ITPKB: variants seen among roughly 807,000 people sequenced by gnomAD.
ITPKB encodes inositol-trisphosphate 3-kinase B.
ITPKB carries 13 observed loss-of-function variants against 69.4 expected under a neutral mutation model. That is an observed-to-expected ratio of 0.19 (90% CI 0.12 to 0.30). ITPKB has a LOEUF of 0.30. Among genes scored for constraint, ITPKB ranks in the 10% least tolerant of loss-of-function variants. The pLI, the probability that ITPKB is intolerant of heterozygous loss-of-function variation, is 1.00. For missense variants in ITPKB, 1,240 were observed against 1,250.5 expected, an observed-to-expected ratio of 0.99 and a Z score of 0.13; for synonymous variants, 584 against 513.7, an observed-to-expected ratio of 1.14 and a Z score of -1.85.
intron 2 of ITPKB, among the ~76,000 whole-genome samples, chr1:226,704,484 T>C (rs1417531457): frequency 6.6e-6 from 1 of 152,250 alleles, no homozygotes; most frequent in Admixed American, 6.5e-5. Flanking sequence ...AGCTAGTTTA[T>C]TTCCTGGGCA....
rs759372377 is a variant in ITPKB at position 226,639,652 on chromosome 1, C to T, written c.2458G>A (p.Asp820Asn). 1.2e-6 allele frequency: 2 copies of T among 1,612,636 alleles called. No homozygotes were observed. Among genetic ancestry groups the T allele is most frequent in the Non-Finnish European group, 1.7e-6 (2 of 1,178,604 alleles). Residue 820 changes from aspartate to asparagine, a missense_variant, in exon 6 of 8, where the codon GAC becomes AAC. By Grantham distance (23) the Asp-to-Asn change is conservative. This residue lies in a region of ITPKB where 248 missense variants were observed against 396.7 expected (regional missense o/e 0.63). Coordinates refer to ENST00000429204, the MANE Select transcript of ITPKB (RefSeq NM_002221.4). Reference protein sequence around the residue: ...GFRIEGIKKEDGTVNRDFKKT... With the variant: ...GFRIEGIKKENGTVNRDFKKT... ...TTGAAGTCCCGGTTCACGGTGCCGT[C>T]TTCTTTCTGAGAAAGAGAACACCCC...
chr1:226,719,906 G>A (rs1029307446), intron 2 of ITPKB, among the ~76,000 whole-genome samples: 5 of 152,200 alleles, frequency 3.3e-5, no homozygotes, highest in Admixed American at 6.5e-5. Context: ...CTGGGGACCC[G>A]GATTACAGAG....
chr1:226,698,308 G>C (rs910196876), intron 2 of ITPKB, among the ~76,000 whole-genome samples: 3 of 152,242 alleles, frequency 2.0e-5, no homozygotes, highest in African/African-American at 7.2e-5. Context: ...CTCATTTCTG[G>C]ACTGAGCAGA....
Position 226,647,328 on chromosome 1 carries a change from T to G in ITPKB, c.2085A>C (p.Ser695=). The change falls in exon 4 of 8, where the codon TCA becomes TCC. Residue 695 remains serine, a synonymous_variant. Transcript: ENST00000429204. ...NGRILKKHCE[S]EQRCLDRLMV... ...TCAGCCGGTCCAGGCAGCGCTGCTC[T>G]GACTCACAGTGCTTCTTCAGGATCC... The G allele has an allele frequency of 6.2e-7, 1 of 1,614,206 alleles. No homozygotes were observed. Among genetic ancestry groups the G allele is most frequent in the Non-Finnish European group, 8.5e-7 (1 of 1,180,016 alleles).
chr1:226,718,829 G>A (rs1390230479), intron 2 of ITPKB, among the ~76,000 whole-genome samples: 1 of 152,156 alleles, frequency 6.6e-6, no homozygotes, highest in African/African-American at 2.4e-5. Flanking sequence ...TGAAATGAAT[G>A]TGCAACTACT....
At chr1:226,679,885 T>A (rs761065835) in intron 2 of ITPKB, among the ~76,000 whole-genome samples, 3 of 152,196 alleles carry the variant, frequency 2.0e-5, no homozygotes, top group Non-Finnish European at 4.4e-5. Flanking sequence ...CCAGTGAAAC[T>A]GCCCTCACTC....
At chr1:226,712,056 G>A (rs1656973529) in intron 2 of ITPKB, among the ~76,000 whole-genome samples, 3 of 152,190 alleles carry the variant, frequency 2.0e-5, no homozygotes, top group South Asian at 2.1e-4. Flanking sequence ...TGTTCTCCCC[G>A]GTGGTGTACA....
intron 2 of ITPKB, among the ~76,000 whole-genome samples, chr1:226,651,036 G>A (rs1430214480): frequency 6.6e-6 from 1 of 152,220 alleles, no homozygotes; most frequent in Admixed American, 6.5e-5. Context: ...CATGCATGGA[G>A]GAAGGGTCCC....
intron 2 of ITPKB, among the ~76,000 whole-genome samples, chr1:226,660,928 C>A (rs925777864): frequency 6.6e-6 from 1 of 152,250 alleles, no homozygotes; most frequent in African/African-American, 2.4e-5. Context: ...GATCCTCTCC[C>A]GCCCTGCGCT....
At chr1:226,712,423 G>C (rs1656985257) in intron 2 of ITPKB, among the ~76,000 whole-genome samples, 1 of 152,224 alleles carries the variant, frequency 6.6e-6, no homozygotes, top group Non-Finnish European at 1.5e-5. Context: ...CAACTGACAA[G>C]GTGAAGAAAG....
chr1:226,649,335 GTA>G (rs1170369032), intron 2 of ITPKB, among the ~76,000 whole-genome samples: 3 of 142,046 alleles, frequency 2.1e-5, no homozygotes, highest in East Asian at 2.1e-4. Context: ...GAGTGTGTGC[GTA>G]TGTGTGCATA....
At position 226,691,906 on chromosome 1, in the gene ITPKB, A is replaced by T. The variant is rs114956467; in HGVS notation, c.1933-43135T>A. On this transcript the variant is annotated intron_variant, in intron 2 of 7. Coordinates refer to ENST00000429204, the MANE Select transcript of ITPKB (RefSeq NM_002221.4). ...GGGCCCTGATCATGAAGGTGGATTC[A>T]GTGGTCACCCAGGGCCCACCTGGAG... 3.1e-3 allele frequency among the ~76,000 whole-genome samples: 471 copies of T among 152,306 alleles called. 3 individuals carry two copies. The highest frequency in any genetic ancestry group is 0.011 in the African/African-American group (454 of 41,550).
intron 2 of ITPKB, among the ~76,000 whole-genome samples, chr1:226,674,516 T>C (rs1466176018): frequency 1.3e-5 from 2 of 152,096 alleles, no homozygotes; most frequent in African/African-American, 4.8e-5. Flanking sequence ...TATTTTTAGT[T>C]AGAGACGGGG....
intron 2 of ITPKB, among the ~76,000 whole-genome samples, chr1:226,702,398 GGAA>G (rs1656690712): frequency 1.4e-5 from 2 of 138,052 alleles, no homozygotes; most frequent in Non-Finnish European, 3.1e-5. Flanking sequence ...ACTCCCTCTC[GGAA>G]AAAAAAAAAA....
At chr1:226,648,136 C>T (rs530254291) in intron 3 of ITPKB, among the ~76,000 whole-genome samples, 2 of 152,348 alleles carry the variant, frequency 1.3e-5, no homozygotes, top group South Asian at 2.1e-4. Flanking sequence ...TAGCCACCTT[C>T]CTCCCAACAC....
chr1:226,690,795 C>A (rs1558086574), intron 2 of ITPKB, among the ~76,000 whole-genome samples: 1 of 152,058 alleles, frequency 6.6e-6, no homozygotes, highest in Non-Finnish European at 1.5e-5. Flanking sequence ...CCTGCAATAG[C>A]CAAAAGGTGG....
intron 2 of ITPKB, among the ~76,000 whole-genome samples, chr1:226,719,722 G>A (rs1180599294): frequency 6.6e-6 from 1 of 152,162 alleles, no homozygotes; most frequent in Admixed American, 6.5e-5. Flanking sequence ...GGCTGCCTGG[G>A]TGCTTCACAG....
rs1274098858 is a variant in ITPKB at position 226,708,033 on chromosome 1, TGTA to T, written c.1932+27491_1932+27493del. 3.4e-5 allele frequency: 14 copies of T among 408,822 alleles called. No individual in the cohort carries two copies. The Middle Eastern group carries it at 4.0e-3, about 116-fold the overall frequency. The allele number at this position is 408,822 out of a possible 1,614,324, so 25.3% of individuals were successfully genotyped here. ...GGTAGGAGTAAGATGATGTAAATGA[TGTA>T]GTAGCTCAAAGTTCACACTCAGGAA... On this transcript the variant is annotated intron_variant, in intron 2 of 7. Transcript: ENST00000429204.
intron 2 of ITPKB, among the ~76,000 whole-genome samples, chr1:226,713,823 C>T (rs1400968129): frequency 6.6e-6 from 1 of 152,156 alleles, no homozygotes; most frequent in Non-Finnish European, 1.5e-5. Context: ...ACAACTACCC[C>T]TCCACATAAA....
Sources: gnomAD v4.1 joint callset for allele counts (sites outside exome capture counted in the v4.1 genomes callset) on GRCh38, gnomAD v4.1.1 for gene constraint, gnomAD v4.1.1 regional missense constraint, MANE v1.5 for transcripts, NCBI Gene and HGNC (gene_info 2026-07-23, HGNC 2026-07-21) for gene names.